FBN2: variants seen among roughly 807,000 people sequenced by gnomAD.
FBN2 encodes the protein fibrillin-2.
In FBN2, 105 loss-of-function variants were observed where a neutral mutation model predicts 355.6. The observed-to-expected ratio is 0.30, with a 90% CI of 0.25 to 0.35. The LOEUF (loss-of-function observed/expected upper bound fraction) is 0.35. Among genes scored for constraint, FBN2 ranks in the 10% least tolerant of loss-of-function variants. The pLI, the probability that FBN2 is intolerant of heterozygous loss-of-function variation, is 1.00. For synonymous variants in FBN2, 1,350 were observed against 1,301.2 expected (o/e 1.04, Z -0.81); for missense variants, 3,280 against 3,758.7 (o/e 0.87, Z 3.33).
chr5:128,534,504 T>C, intron 2 of FBN2, among the ~76,000 whole-genome samples: 1 of 152,232 alleles, frequency 6.6e-6, no homozygotes, highest in Non-Finnish European at 1.5e-5. Context: ...GTGTTTCTAA[T>C]AAATATTTTT....
intron 8 of FBN2, among the ~76,000 whole-genome samples, chr5:128,401,346 C>T (rs963261943): frequency 6.6e-6 from 1 of 152,084 alleles, no homozygotes; most frequent in African/African-American, 2.4e-5. Flanking sequence ...GCCACTATAG[C>T]TAATAAAATC....
intron 51 of FBN2, 53 bp from the exon 52 acceptor site, chr5:128,289,305 A>T (rs1017340088): frequency 6.3e-7 from 1 of 1,596,188 alleles, no homozygotes; most frequent in East Asian, 2.2e-5. Context: ...TATGCCGGCC[A>T]GGCGCAGTGG....
chr5:128,317,795 C>T (rs1750248917), intron 36 of FBN2, among the ~76,000 whole-genome samples: 1 of 152,096 alleles, frequency 6.6e-6, no homozygotes, highest in African/African-American at 2.4e-5. Context: ...GCTATATGAC[C>T]CTTCCAGTAG....
intron 15 of FBN2, among the ~76,000 whole-genome samples, chr5:128,374,136 G>T (rs1048859638): frequency 2.0e-5 from 3 of 151,978 alleles, no homozygotes; most frequent in Non-Finnish European, 1.5e-5. Context: ...TCTCCAGCAT[G>T]TCATCAGAGC....
intron 5 of FBN2, among the ~76,000 whole-genome samples, chr5:128,511,955 T>C (rs566182504): frequency 1.2e-4 from 18 of 152,296 alleles, no homozygotes; most frequent in East Asian, 5.8e-4. Context: ...AACTAAGACA[T>C]TTTCAAAAGA....
chr5:128,286,507 AG>A (rs1186875593), intron 55 of FBN2, among the ~76,000 whole-genome samples: 3 of 152,238 alleles, frequency 2.0e-5, no homozygotes, highest in Non-Finnish European at 2.9e-5. Flanking sequence ...AAAAATCAAA[AG>A]GGCATGTATT....
intron 19 of FBN2, 107 bp from the exon 20 acceptor site, chr5:128,357,502 T>C (rs750157164): frequency 1.1e-4 from 148 of 1,293,614 alleles, no homozygotes; most frequent in Middle Eastern, 3.9e-4. Flanking sequence ...TTGGCTCTGG[T>C]AATTTTAATA....
chr5:128,296,299 T>C (rs1749508207), intron 48 of FBN2, among the ~76,000 whole-genome samples: 1 of 152,070 alleles, frequency 6.6e-6, no homozygotes, highest in East Asian at 1.9e-4. Flanking sequence ...TAAAATTCTC[T>C]TTTTTGGTTG....
At chr5:128,446,755 AT>A in intron 6 of FBN2, 149 bp from the exon 7 acceptor site, 1 of 660,452 alleles carries the variant, frequency 1.5e-6, no homozygotes, top group Non-Finnish European at 2.6e-6. Flanking sequence ...ACACCTTTGT[AT>A]GCATATGTTT....
At chr5:128,295,229 G>GCTACCA (rs1412351146) in intron 48 of FBN2, among the ~76,000 whole-genome samples, 1 of 150,788 alleles carries the variant, frequency 6.6e-6, no homozygotes, top group Non-Finnish European at 1.5e-5. Context: ...TGCTGTTTTG[G>GCTACCA]TTACTGTAGC....
chr5:128,501,868 TA>T, intron 5 of FBN2, among the ~76,000 whole-genome samples: 1 of 151,910 alleles, frequency 6.6e-6, no homozygotes, highest in Non-Finnish European at 1.5e-5. Context: ...ATCAAAAGTC[TA>T]AAAAAAGAAA....
intron 12 of FBN2, 128 bp from the exon 13 acceptor site, chr5:128,378,005 G>T (rs1223922810): frequency 1.9e-5 from 13 of 689,760 alleles, no homozygotes; most frequent in East Asian, 3.3e-5. Flanking sequence ...CTGTCTCTCA[G>T]CAGTTTTTTT....
chr5:128,311,575 A>AATATCTTC (rs1750058510), intron 38 of FBN2, 150 bp from the exon 39 acceptor site: 1 of 836,424 alleles, frequency 1.2e-6, no homozygotes, highest in African/African-American at 1.7e-5. Flanking sequence ...ATTCTGCTCA[A>AATATCTTC]ATATCTTCTT....
intron 6 of FBN2, among the ~76,000 whole-genome samples, chr5:128,460,941 G>A (rs943071648): frequency 2.0e-5 from 3 of 152,076 alleles, no homozygotes; most frequent in African/African-American, 7.2e-5. Context: ...ACATAGGCAT[G>A]GGGGGAGACT....
At chr5:128,403,117 A>C (rs1752839425) in intron 8 of FBN2, among the ~76,000 whole-genome samples, 1 of 152,148 alleles carries the variant, frequency 6.6e-6, no homozygotes, top group Non-Finnish European at 1.5e-5. Context: ...TGCATGTGGA[A>C]TCAACAGCCA....
At position 128,276,078 on chromosome 5, in the gene FBN2, C is replaced by T. The variant is rs202192296; in HGVS notation, c.7554G>A (p.Pro2518=). The part of the protein sequence containing the change: ...NTEGSYQCSC[P]RGYVLQEDGK... ...CATCCTCTTGCAGGACATACCCCCTCGGACATGAACACTGATAACTCCCCT... is the reference window on the plus strand; with the variant it reads ...CATCCTCTTGCAGGACATACCCCCTTGGACATGAACACTGATAACTCCCCT... The change falls in exon 59 of 65, where the codon CCG becomes CCA. Residue 2518 remains proline (P), a synonymous_variant. Coordinates refer to ENST00000262464, the MANE Select transcript of FBN2 (RefSeq NM_001999.4). 8.7e-6 allele frequency: 14 copies of T among 1,613,732 alleles called. No homozygotes were observed. Among genetic ancestry groups the T allele is most frequent in the African/African-American group, 6.7e-5 (5 of 74,906 alleles).
chr5:128,494,967 C>T (rs1347770776), intron 5 of FBN2, among the ~76,000 whole-genome samples: 1 of 152,106 alleles, frequency 6.6e-6, no homozygotes, highest in Non-Finnish European at 1.5e-5. Flanking sequence ...GAACTCAGGA[C>T]CAGCCTTAAC....
chr5:128,525,981 AG>A (rs1209482907), intron 4 of FBN2, among the ~76,000 whole-genome samples: 1 of 152,162 alleles, frequency 6.6e-6, no homozygotes, highest in East Asian at 1.9e-4. Flanking sequence ...CAATGGAGAA[AG>A]CAAGGTCTAA....
At position 128,334,214 on chromosome 5, in the gene FBN2, GAAGAGAAGACAA is replaced by G. The variant is rs577349714; in HGVS notation, c.4099+493_4099+504del. 3.4e-4 allele frequency among the ~76,000 whole-genome samples: 51 copies of G among 152,200 alleles called. 1 individual carries two copies. Among genetic ancestry groups the G allele is most frequent in the Admixed American group, 3.3e-3 (50 of 15,278 alleles). On this transcript the variant is annotated intron_variant, in intron 31 of 64. Transcript: ENST00000262464. ...AAGAGAAAGGCAATTTGGGCACAGA[GAAGAGAAGACAA>G]AAGCAAACAGAAGAGCAAACAAGAA...
Sources: allele counts gnomAD v4.1 joint callset (sites outside exome capture counted in the v4.1 genomes callset), GRCh38; gene constraint gnomAD v4.1.1; transcripts MANE v1.5; gene names NCBI Gene and HGNC (gene_info 2026-07-23, HGNC 2026-07-21).